YBX3: variants seen among roughly 807,000 people sequenced by gnomAD.
YBX3 encodes the protein Y-box-binding protein 3.
In YBX3, 29 loss-of-function variants were observed where a neutral mutation model predicts 42.4. The observed-to-expected ratio is 0.68, with a 90% CI of 0.51 to 0.93. YBX3 has a LOEUF of 0.93. Among genes scored for constraint, YBX3 ranks in the 40% least tolerant of loss-of-function variants. YBX3 has a pLI of 0.00. For missense variants in YBX3, 517 were observed against 527.5 expected (o/e 0.98, Z 0.19); for synonymous variants, 195 against 189.8 (o/e 1.03, Z -0.22).
chr12:10,710,008 T>C lies in YBX3; in HGVS notation c.680A>G (p.Gln227Arg), dbSNP rs1948181932. 6.2e-7 allele frequency: 1 copy of C among 1,612,324 alleles called. No homozygotes were observed. Residue 227 changes from glutamine (Q) to arginine (R), a missense_variant, in exon 6 of 10, where the codon CAG becomes CGG. This residue lies in a region of YBX3 where 420 missense variants were observed against 408.5 expected (regional missense o/e 1.03). Coordinates refer to ENST00000228251, the MANE Select transcript of YBX3 (RefSeq NM_003651.5). ...SGARNQLRRP[Q>R]YRPQYRQRRF... ...CCGCTGCCGGTACTGAGGGCGATACTGGGGGCGGCGCAGCTGATTCCGGGC... is the reference window on the plus strand; with the variant it reads ...CCGCTGCCGGTACTGAGGGCGATACCGGGGGCGGCGCAGCTGATTCCGGGC...
chr12:10,712,706 T>G (rs562472079), intron 5 of YBX3: 7 of 152,420 alleles, frequency 4.6e-5, no homozygotes, highest in African/African-American at 1.7e-4. Flanking sequence ...CCAGTGAATG[T>G]CTGTGACTAG....
At chr12:10,718,445 C>T (rs542222249) in intron 2 of YBX3, 29 of 249,582 alleles carry the variant, frequency 1.2e-4, no homozygotes, top group African/African-American at 6.5e-4. Context: ...AAAAGCAAAG[C>T]AAGACAGTTA....
intron 9 of YBX3, 126 bp downstream of exon 9, chr12:10,701,128 A>G (rs554239354): frequency 4.9e-6 from 3 of 612,078 alleles, no homozygotes; most frequent in South Asian, 4.1e-5. Context: ...ACAGAGTCCC[A>G]ATAGAGACAA....
At position 10,699,251 on chromosome 12, in the gene YBX3, C is replaced by T. The variant is rs1472574688; in HGVS notation, c.*438G>A. On this transcript the variant is annotated 3_prime_UTR_variant, in exon 10 of 10. Coordinates refer to ENST00000228251, the MANE Select transcript of YBX3 (RefSeq NM_003651.5). The stretch of plus-strand genomic sequence containing the variant: ...TAAATCATGACACTTGGAGGTTTAG[C>T]ACCAGCATCCAAAATGAACAAAAAC... 6.6e-6 allele frequency: 1 copy of T among 151,410 alleles called. No homozygotes were observed. Among genetic ancestry groups the T allele is most frequent in the African/African-American group, 2.4e-5 (1 of 40,986 alleles). 9.4% of individuals were successfully genotyped at this position (151,410 alleles called of 1,614,324 possible).
rs773389370 is a variant in YBX3, at chr12:10,709,921, G to C, written c.767C>G (p.Pro256Arg). 6 of 1,613,896 alleles carry C rather than the reference G, an allele frequency of 3.7e-6. No homozygotes were observed. The Admixed American group carries it at 1.0e-4, about 27-fold the overall frequency. Residue 256 changes from proline to arginine, a missense_variant, in exon 6 of 10, where the codon CCC becomes CGC. By Grantham distance (103) the Pro-to-Arg change is moderately radical. Transcript: ENST00000228251. Reference protein sequence around the residue: ...FDRRSRVLPHPNRIQAGEIGE... With the variant: ...FDRRSRVLPHRNRIQAGEIGE... ...TTGCAATTTTACCTGTATTCTGTTG[G>C]GATGGGGTAAGACCCGTGAGCGACG...
In YBX3 at chr12:10,723,013, C is replaced by T; in HGVS notation, c.99G>A (p.Lys33=). Residue 33 remains lysine (K), a synonymous_variant, in exon 1 of 10, where the codon AAG becomes AAA. Transcript: ENST00000228251. ...AAAAPQDPAP[K]SPVGSGAPQA... ...GGGGCGCACCGCTGCCCACCGGGCT[C>T]TTGGGCGCGGGGTCCTGGGGAGCCG... The T allele has an allele frequency of 8.3e-7, 1 of 1,208,316 alleles. No homozygotes were observed. The highest frequency in any genetic ancestry group is 1.0e-6 in the Non-Finnish European group (1 of 974,934). 74.8% of individuals were successfully genotyped at this position (1,208,316 alleles called of 1,614,324 possible).
rs556357334 is a variant in YBX3, at chr12:10,699,634, G to T, written c.*55C>A. On this transcript the variant is annotated 3_prime_UTR_variant, in exon 10 of 10. Transcript: ENST00000228251. The stretch of plus-strand genomic sequence containing the variant: ...CTGCTTTTTGCTTTATTTCTGAATG[G>T]TCATTAATTCTTTAGGTCACCTGGG... The T allele has an allele frequency of 2.0e-5, 3 of 152,650 alleles. No homozygotes were observed. The highest frequency in any genetic ancestry group is 7.2e-5 in the African/African-American group (3 of 41,528). 9.5% of individuals were successfully genotyped at this position (152,650 alleles called of 1,614,324 possible). A position where few individuals can be genotyped will look rare whatever the true frequency, so the allele number is the denominator to read the frequency against.
chr12:10,711,494 G>A (rs913447888), intron 5 of YBX3: 3 of 152,182 alleles, frequency 2.0e-5, no homozygotes, highest in African/African-American at 7.2e-5. Flanking sequence ...TCACAATTAT[G>A]TAAACGTTTA....
chr12:10,716,675 C>T (rs1948266039), intron 3 of YBX3, among the ~76,000 whole-genome samples: 2 of 152,012 alleles, frequency 1.3e-5, no homozygotes, highest in South Asian at 2.1e-4. Context: ...TTTTATAAAG[C>T]GATTAAGCAT....
At chr12:10,706,214 T>A (rs1051395981) in intron 6 of YBX3, among the ~76,000 whole-genome samples, 3 of 152,186 alleles carry the variant, frequency 2.0e-5, no homozygotes, top group Non-Finnish European at 2.9e-5. Flanking sequence ...AAGTTGTTGG[T>A]GAGGTAACGG....
In YBX3 at chr12:10,707,824, G is replaced by A. The variant is rs748812983; in HGVS notation, c.780+2084C>T. On this transcript the variant is annotated intron_variant, in intron 6 of 9. Coordinates refer to ENST00000228251, the MANE Select transcript of YBX3 (RefSeq NM_003651.5). The stretch of plus-strand genomic sequence containing the variant: ...TCTCTTTAGTTTCCTAAGTAAGCTC[G>A]GCCATTTCTTCCTCAGAAACTGTTG... Among the ~76,000 whole-genome samples, 70 of 151,994 alleles carry A rather than the reference G, an allele frequency of 4.6e-4. 1 individual carries two copies. The highest frequency in any genetic ancestry group is 1.0e-3 in the Admixed American group (16 of 15,276).
intron 6 of YBX3, among the ~76,000 whole-genome samples, chr12:10,708,936 T>C (rs759595521): frequency 6.6e-6 from 1 of 152,248 alleles, no homozygotes; most frequent in Non-Finnish European, 1.5e-5. Flanking sequence ...TGACTTTTCC[T>C]GTCCTTGTTT....
chr12:10,707,470 T>C (rs149198591), intron 6 of YBX3, among the ~76,000 whole-genome samples: 3 of 152,236 alleles, frequency 2.0e-5, no homozygotes, highest in Admixed American at 1.3e-4. Context: ...AACACCTCTA[T>C]ATGCTTAAAA....
intron 5 of YBX3, chr12:10,711,016 ACCTAAG>A (rs1948194103): frequency 1.3e-5 from 2 of 153,700 alleles, no homozygotes; most frequent in South Asian, 4.1e-4. Flanking sequence ...AGAACCACTG[ACCTAAG>A]GCATGACTCC....
At chr12:10,718,055 C>T (rs778071933) in intron 3 of YBX3, 33 bp downstream of exon 3, 3 of 1,584,896 alleles carry the variant, frequency 1.9e-6, no homozygotes, top group Non-Finnish European at 1.7e-6. Flanking sequence ...CCTCTCCTCA[C>T]ATAGCAAATG....
chr12:10,709,620 C>G (rs1045531100), intron 6 of YBX3, among the ~76,000 whole-genome samples: 16 of 152,230 alleles, frequency 1.1e-4, no homozygotes, highest in Non-Finnish European at 8.8e-5. Flanking sequence ...AGCTCTTACA[C>G]ATTCCACCTG....
intron 6 of YBX3, among the ~76,000 whole-genome samples, chr12:10,706,746 G>A (rs887133098): frequency 1.3e-5 from 2 of 152,246 alleles, no homozygotes; most frequent in African/African-American, 2.4e-5. Context: ...AGCCAGGAGC[G>A]GTGGCTCACG....
Position 10,723,160 on chromosome 12 carries a change from G to A in YBX3, c.-49C>T, listed in dbSNP as rs909661513. Reference sequence around the variant, plus strand: ...TCAGGCGCCTCGGTGGCGGTTGGTCGGCGGTTAGCGCGGCTGGTGGTCGCG... The same window carrying A: ...TCAGGCGCCTCGGTGGCGGTTGGTCAGCGGTTAGCGCGGCTGGTGGTCGCG... On this transcript the variant is annotated 5_prime_UTR_variant, in exon 1 of 10. Transcript: ENST00000228251. 13 of 1,187,724 alleles carry A rather than the reference G, an allele frequency of 1.1e-5. No homozygotes were observed. The East Asian group carries it at 4.7e-4, about 43-fold the overall frequency. The allele number at this position is 1,187,724 out of a possible 1,614,324, so 73.6% of individuals were successfully genotyped here. A position where few individuals can be genotyped will look rare whatever the true frequency, so the allele number is the denominator to read the frequency against.
intron 2 of YBX3, among the ~76,000 whole-genome samples, chr12:10,718,751 C>G (rs1323171846): frequency 3.9e-5 from 6 of 152,154 alleles, no homozygotes; most frequent in Non-Finnish European, 8.8e-5. Flanking sequence ...CTTAGGAAAG[C>G]TGCTTAACCA....
Sources: gnomAD v4.1 joint callset for allele counts (sites outside exome capture counted in the v4.1 genomes callset) on GRCh38, gnomAD v4.1.1 for gene constraint, gnomAD v4.1.1 regional missense constraint, MANE v1.5 for transcripts, NCBI Gene and HGNC (gene_info 2026-07-23, HGNC 2026-07-21) for gene names.